The following DCC variants were observed in gnomAD, a reference collection of about 807,000 sequenced individuals.
DCC encodes netrin receptor DCC.
A neutral mutation model predicts 172.5 loss-of-function variants in DCC; 58 were observed. That is an observed-to-expected ratio of 0.34 (90% CI 0.27 to 0.42). The LOEUF (loss-of-function observed/expected upper bound fraction) is 0.42, where lower values mean the gene tolerates loss of function less well. Ranked by LOEUF, DCC falls within the 10% of genes least tolerant of loss-of-function variation. DCC has a pLI of 1.00. For synonymous variants in DCC, 709 were observed against 644.5 expected, an observed-to-expected ratio of 1.10 and a Z score of -1.52; for missense variants, 1,740 against 1,791.0, an observed-to-expected ratio of 0.97 and a Z score of 0.51.
intron 8 of DCC, among the ~76,000 whole-genome samples, chr18:53,166,179 A>G (rs1381909981): frequency 6.6e-6 from 1 of 152,136 alleles, no homozygotes; most frequent in Non-Finnish European, 1.5e-5. Context: ...GTTGTCAAGG[A>G]CAGTCACTTG....
At chr18:52,837,055 G>A (rs1222485579) in intron 2 of DCC, among the ~76,000 whole-genome samples, 1 of 152,158 alleles carries the variant, frequency 6.6e-6, no homozygotes, top group Non-Finnish European at 1.5e-5. Flanking sequence ...CTGATGCCAT[G>A]GCCCAAGCTG....
At chr18:53,181,509 A>T (rs1270003724) in intron 9 of DCC, among the ~76,000 whole-genome samples, 1 of 151,574 alleles carries the variant, frequency 6.6e-6, no homozygotes. Flanking sequence ...CATAAAAATT[A>T]AAAAAAATAA....
At chr18:52,346,394 G>C (rs755432356) in intron 1 of DCC, among the ~76,000 whole-genome samples, 2 of 152,152 alleles carry the variant, frequency 1.3e-5, no homozygotes, top group Non-Finnish European at 2.9e-5. Flanking sequence ...CTAAGATGGA[G>C]AAATACAGGT....
chr18:52,887,300 T>A (rs1223965267), intron 2 of DCC, among the ~76,000 whole-genome samples: 1 of 151,814 alleles, frequency 6.6e-6, no homozygotes. Context: ...GAAACAATCA[T>A]CAATGGTTTT....
chr18:53,485,706 CT>C (rs1299303477), intron 25 of DCC, among the ~76,000 whole-genome samples: 4 of 151,928 alleles, frequency 2.6e-5, no homozygotes, highest in Non-Finnish European at 2.9e-5. Context: ...CTTTTAAAAT[CT>C]TTTATCTTTT....
At chr18:52,473,444 AAAAACATACCAGAGACTGGGTAATTTAC>A (rs1190901906) in intron 1 of DCC, among the ~76,000 whole-genome samples, 2 of 152,238 alleles carry the variant, frequency 1.3e-5, no homozygotes, top group Non-Finnish European at 2.9e-5. Context: ...TGCTGCTAAT[AAAAACATACCAGAGACTGGGTAATTTAC>A]AAAGGAAAGA....
chr18:52,447,908 G>A (rs563038665), intron 1 of DCC, among the ~76,000 whole-genome samples: 6 of 152,196 alleles, frequency 3.9e-5, no homozygotes, highest in Admixed American at 2.6e-4. Flanking sequence ...CACCTCCCAC[G>A]AGGCCCCACC....
At chr18:53,186,376 C>A (rs572100935) in intron 9 of DCC, among the ~76,000 whole-genome samples, 1 of 152,110 alleles carries the variant, frequency 6.6e-6, no homozygotes, top group African/African-American at 2.4e-5. Context: ...AACGTGAAAG[C>A]GGTTGGTTTG....
intron 1 of DCC, among the ~76,000 whole-genome samples, chr18:52,368,362 G>A (rs777291888): frequency 6.6e-6 from 1 of 152,040 alleles, no homozygotes; most frequent in African/African-American, 2.4e-5. Flanking sequence ...AGGCTATTTG[G>A]GATAAATGAA....
intron 2 of DCC, among the ~76,000 whole-genome samples, chr18:52,774,512 A>G (rs941782964): frequency 2.0e-5 from 3 of 152,380 alleles, no homozygotes; most frequent in South Asian, 4.1e-4. Flanking sequence ...CTCCCAAGGT[A>G]AAAGAAGCAG....
At chr18:53,234,186 G>A (rs1281593879) in intron 12 of DCC, among the ~76,000 whole-genome samples, 2 of 152,176 alleles carry the variant, frequency 1.3e-5, no homozygotes, top group Non-Finnish European at 2.9e-5. Flanking sequence ...GGAGGCGGAG[G>A]TTGCAGTGAA....
At chr18:53,355,466 G>T (rs903330045) in intron 15 of DCC, among the ~76,000 whole-genome samples, 1 of 152,144 alleles carries the variant, frequency 6.6e-6, no homozygotes, top group Non-Finnish European at 1.5e-5. Flanking sequence ...GTGGTTTGTA[G>T]TTCTCCTTGA....
intron 12 of DCC, among the ~76,000 whole-genome samples, chr18:53,226,948 A>ATATATATATATATATTTTTTTT: frequency 2.5e-4 from 13 of 52,948 alleles, no homozygotes; most frequent in African/African-American, 8.5e-4. Flanking sequence ...ATATATATAT[A>ATATATATATATATATTTTTTTT]TTTTTTTTTT....
At chr18:52,563,217 A>C (rs1228914308) in intron 1 of DCC, among the ~76,000 whole-genome samples, 1 of 152,174 alleles carries the variant, frequency 6.6e-6, no homozygotes, top group Non-Finnish European at 1.5e-5. Context: ...CTACATGTAA[A>C]TATTAGTTTT....
At chr18:53,305,005 A>C (rs1479209480) in intron 12 of DCC, among the ~76,000 whole-genome samples, 1 of 152,164 alleles carries the variant, frequency 6.6e-6, no homozygotes, top group South Asian at 2.1e-4. Flanking sequence ...AAGTCTCACG[A>C]GATCTGATAG....
chr18:53,399,166 T>C (rs1909141675), intron 18 of DCC, among the ~76,000 whole-genome samples: 1 of 152,094 alleles, frequency 6.6e-6, no homozygotes, highest in Admixed American at 6.6e-5. Flanking sequence ...AATTAGGCCT[T>C]GGAAAGAGAC....
chr18:52,700,266 T>A (rs59684194), intron 1 of DCC, among the ~76,000 whole-genome samples: 142,268 of 145,008 alleles, frequency 0.98, 69,781 homozygotes, highest in Non-Finnish European at 0.99. Flanking sequence ...ACATCCACAC[T>A]CTTGTGCACA....
chr18:52,826,730 A>C (rs1688980687), intron 2 of DCC, among the ~76,000 whole-genome samples: 1 of 151,904 alleles, frequency 6.6e-6, no homozygotes, highest in Non-Finnish European at 1.5e-5. Flanking sequence ...CTGCCCGCCT[A>C]AGCCTCCCAA....
chr18:52,441,428 T>G (rs1403377489), intron 1 of DCC, among the ~76,000 whole-genome samples: 2 of 152,196 alleles, frequency 1.3e-5, no homozygotes, highest in African/African-American at 2.4e-5. Context: ...TGTTATGGAT[T>G]TGTTGTTATT....
Sources: gnomAD v4.1 joint callset for allele counts (sites outside exome capture counted in the v4.1 genomes callset) on GRCh38, gnomAD v4.1.1 for gene constraint, MANE v1.5 for transcripts, NCBI Gene and HGNC (gene_info 2026-07-23, HGNC 2026-07-21) for gene names.